The following ITFG2 variants were observed in gnomAD, a reference collection of about 807,000 sequenced individuals.
ITFG2 encodes KICSTOR complex protein ITFG2.
A neutral mutation model predicts 54.4 loss-of-function variants in ITFG2; 36 were observed. The observed-to-expected ratio is 0.66, with a 90% CI of 0.51 to 0.87. The LOEUF is 0.87. ITFG2 is among the 40% of genes least tolerant of loss of function. The probability of loss-of-function intolerance (pLI) is 0.00; values close to 1 mark genes in which losing one functional copy is unlikely to be tolerated. For synonymous variants in ITFG2, 211 were observed against 225.4 expected (o/e 0.94, Z 0.57); for missense variants, 524 against 576.7 (o/e 0.91, Z 0.94).
chr12:2,821,074 G>T (rs1481828894), intron 6 of ITFG2, among the ~76,000 whole-genome samples, 188 bp from the exon 7 acceptor site: 1 of 152,182 alleles, frequency 6.6e-6, no homozygotes, highest in East Asian at 1.9e-4. Context: ...CCTGAAAGAG[G>T]TCCTGAGATT....
chr12:2,827,100 G>C (rs985423549), downstream of ITFG2: 10 of 1,557,496 alleles, frequency 6.4e-6, no homozygotes, highest in African/African-American at 1.4e-4. This position sits in a 1 kb window ranked among gnomAD's most constrained non-coding sequence, Gnocchi z 4.0. Context: ...TGATTGGAAG[G>C]GCAGACACCA....
In ITFG2 at chr12:2,821,347, A is replaced by G; in HGVS notation, c.781A>G (p.Asn261Asp). ...NKNVSTHLIG[N>D]IKQGHGTESS... The stretch of plus-strand genomic sequence containing the variant: ...GAATGTCTCCACTCACCTAATTGGC[A>G]ACATCAAACAAGGTGAAAGTGTGGT... The change falls in exon 7 of 12, where the codon AAC becomes GAC. Residue 261 changes from asparagine (N) to aspartate (D), a missense_variant. By Grantham distance (23) the Asn-to-Asp change is conservative. Transcript: ENST00000228799. 6.2e-7 allele frequency: 1 copy of G among 1,607,432 alleles called. No homozygotes were observed. Among genetic ancestry groups the G allele is most frequent in the South Asian group, 1.1e-5 (1 of 89,898 alleles).
At chr12:2,859,012 C>G (rs1422995567) in intron 3 of ITFG2, 2 of 1,612,538 alleles carry the variant, frequency 1.2e-6, no homozygotes, top group Non-Finnish European at 8.5e-7. Flanking sequence ...GAGGTTTGTA[C>G]TGGGCTGAAA....
upstream of ITFG2, among the ~76,000 whole-genome samples, chr12:2,832,697 C>T (rs893634130): frequency 4.7e-5 from 7 of 150,290 alleles, no homozygotes; most frequent in East Asian, 2.0e-4. Context: ...GCCTGGAGAG[C>T]GCTTGAGTCT....
chr12:2,820,659 C>A (rs2153924499), intron 5 of ITFG2, 65 bp from the exon 6 acceptor site: 1 of 1,213,736 alleles, frequency 8.2e-7, no homozygotes, highest in Non-Finnish European at 1.2e-6. Context: ...CCGCCCCCTG[C>A]CGTTCTCTGC....
downstream of ITFG2, chr12:2,828,361 C>G (rs377355504): frequency 3.3e-5 from 54 of 1,614,016 alleles, no homozygotes; most frequent in Non-Finnish European, 4.6e-5. Context: ...CAGCAGAGAT[C>G]CGATTGTATT....
chr12:2,847,415 T>C (rs897234868), intron 2 of ITFG2, among the ~76,000 whole-genome samples: 4 of 152,060 alleles, frequency 2.6e-5, no homozygotes, highest in Admixed American at 6.6e-5. Context: ...TCCCAGTAAT[T>C]CCAGCACTTT....
upstream of ITFG2, among the ~76,000 whole-genome samples, chr12:2,836,477 G>A (rs986436029): frequency 4.6e-5 from 7 of 152,194 alleles, no homozygotes; most frequent in African/African-American, 1.7e-4. Flanking sequence ...CAAACCAGAT[G>A]TCTGCTGAGC....
At chr12:2,849,612 C>T in intron 2 of ITFG2, 1 of 1,426,054 alleles carries the variant, frequency 7.0e-7, no homozygotes. Flanking sequence ...AAGGGTGATG[C>T]CGCTGTCCAC....
At chr12:2,850,466 A>G in intron 2 of ITFG2, among the ~76,000 whole-genome samples, 1 of 120,048 alleles carries the variant, frequency 8.3e-6, no homozygotes, top group East Asian at 2.4e-4. Context: ...CAAGAGCAAG[A>G]CTCTGTCTCA....
At chr12:2,847,300 A>G (rs1002363703) in intron 2 of ITFG2, among the ~76,000 whole-genome samples, 2 of 152,212 alleles carry the variant, frequency 1.3e-5, no homozygotes, top group African/African-American at 2.4e-5. Context: ...TTGTGCTGTC[A>G]TCACCACTGT....
At chr12:2,852,718 A>G (rs1295328713) in intron 2 of ITFG2, among the ~76,000 whole-genome samples, 1 of 151,934 alleles carries the variant, frequency 6.6e-6, no homozygotes, top group Non-Finnish European at 1.5e-5. Flanking sequence ...AAATGGGGTT[A>G]ATGAGGCCGG....
chr12:2,820,839 C>T lies in ITFG2; in HGVS notation c.662C>T (p.Pro221Leu), dbSNP rs1171291253. The T allele has an allele frequency of 6.2e-7, 1 of 1,614,052 alleles. No homozygotes were observed. The highest frequency in any genetic ancestry group is 8.5e-7 in the Non-Finnish European group (1 of 1,179,970). The change falls in exon 6 of 12, where the codon CCT becomes CTT. Residue 221 changes from proline (P) to leucine (L), a missense_variant. Transcript: ENST00000228799. ...ACCTGGAAAAAGGACACTGGGTCCCCTCCTGCCTCTGAAGGGCCCACGGAT... is the reference window on the plus strand; with the variant it reads ...ACCTGGAAAAAGGACACTGGGTCCCTTCCTGCCTCTGAAGGGCCCACGGAT... ...LCTWKKDTGS[P>L]PASEGPTDGS...
intron 1 of ITFG2, among the ~76,000 whole-genome samples, chr12:2,839,673 T>G (rs2098036412): frequency 6.6e-6 from 1 of 152,074 alleles, no homozygotes. Context: ...CTTCATGGAG[T>G]TCACATTCTA....
At chr12:2,835,599 A>G (rs1188357320), upstream of ITFG2, 4 of 152,256 alleles carry the variant, frequency 2.6e-5, no homozygotes, top group African/African-American at 9.6e-5. Context: ...TCCCACGAGT[A>G]GAAATTGTCC....
rs1328248828 is a variant in ITFG2 at position 2,845,390 on chromosome 12, C to T, written n.300+4395C>T. Among the ~76,000 whole-genome samples, 1 of 152,110 alleles carries T rather than the reference C, an allele frequency of 6.6e-6. No individual in the cohort carries two copies. The highest frequency in any genetic ancestry group is 2.4e-5 in the African/African-American group (1 of 41,440). ...CAACGTGGGTGGCCCTGTATGGTCC[C>T]CCAGGGGTTCCCAGTCCCCACAGCT... On this transcript the variant is annotated intron_variant and non_coding_transcript_variant, in intron 2 of 3. Transcript: ENST00000537710. This position sits in a 1 kb window ranked among gnomAD's most constrained non-coding sequence, Gnocchi z 4.2.
chr12:2,847,374 C>T (rs186336241), intron 2 of ITFG2, among the ~76,000 whole-genome samples: 1 of 152,088 alleles, frequency 6.6e-6, no homozygotes. Context: ...AACAGTAACT[C>T]CCGGCCAGAC....
intron 1 of ITFG2, among the ~76,000 whole-genome samples, chr12:2,840,451 G>A (rs1210565865): frequency 7.7e-6 from 1 of 130,454 alleles, no homozygotes; most frequent in African/African-American, 3.4e-5. Flanking sequence ...GCGAGACTCT[G>A]TCTCAAAAAA....
chr12:2,852,374 T>G (rs2153928980), intron 2 of ITFG2, among the ~76,000 whole-genome samples: 1 of 152,166 alleles, frequency 6.6e-6, no homozygotes, highest in African/African-American at 2.4e-5. Context: ...GAACTGTTTT[T>G]TTTTTCTTTT....
Sources: gnomAD v4.1 joint callset for allele counts (sites outside exome capture counted in the v4.1 genomes callset) on GRCh38, gnomAD v4.1.1 for gene constraint, Gnocchi (gnomAD v3.1) non-coding constraint, MANE v1.5 for transcripts, NCBI Gene and HGNC (gene_info 2026-07-23, HGNC 2026-07-21) for gene names.